Variants in CFAP36 observed in about 807,000 individuals in gnomAD.
The protein encoded by CFAP36 is cilia and flagella associated protein 36.
In CFAP36, 37 loss-of-function variants were observed where a neutral mutation model predicts 50.5. The observed-to-expected ratio is 0.73, with a 90% confidence interval of 0.56 to 0.96. CFAP36 has a LOEUF of 0.96. Among genes scored for constraint, CFAP36 ranks in the 50% least tolerant of loss-of-function variants. CFAP36 has a pLI of 0.00. For missense variants in CFAP36, 407 were observed against 396.2 expected (o/e 1.03, Z -0.23); for synonymous variants, 138 against 128.2 (o/e 1.08, Z -0.52).
Position 55,544,370 on chromosome 2 carries a change from G to A in CFAP36, c.927+1G>A. The A allele has an allele frequency of 6.2e-7, 1 of 1,607,892 alleles. No homozygotes were observed. The highest frequency in any genetic ancestry group is 8.5e-7 in the Non-Finnish European group (1 of 1,178,184). On this transcript the variant is annotated splice_donor_variant, in intron 9 of 9. Coordinates refer to ENST00000349456, the MANE Select transcript of CFAP36 (RefSeq NM_080667.7). LOFTEE classifies it high-confidence loss of function. ...AGGAAAACCCACTGGGGAGGTAGAG[G>A]TATGGCTAGCCTTAATATGTCAAGA...
chr2:55,532,052 A>T (rs1684364736), intron 4 of CFAP36, among the ~76,000 whole-genome samples: 1 of 152,052 alleles, frequency 6.6e-6, no homozygotes, highest in Non-Finnish European at 1.5e-5. Flanking sequence ...GCTGGCTGGG[A>T]ACAGTGGCTC....
chr2:55,527,853 G>C (rs1336997794), intron 3 of CFAP36, among the ~76,000 whole-genome samples: 1 of 151,608 alleles, frequency 6.6e-6, no homozygotes, highest in Admixed American at 6.6e-5. Context: ...CAAAATACTT[G>C]GAGATTAAAC....
rs750973554 is a variant in CFAP36, at chr2:55,519,792, T to G, written c.-10T>G. 1.9e-6 allele frequency: 3 copies of G among 1,613,712 alleles called. No individual in the cohort carries two copies. The highest frequency in any genetic ancestry group is 1.7e-6 in the Non-Finnish European group (2 of 1,179,710). On this transcript the variant is annotated 5_prime_UTR_variant, in exon 1 of 10. Coordinates refer to ENST00000349456, the MANE Select transcript of CFAP36 (RefSeq NM_080667.7). ...CCTAGGGATCTTCCCCGTTGCCCCTTTGGGGCGGGATGGCTGCGGAAGAAG... is the reference window on the plus strand; with the variant it reads ...CCTAGGGATCTTCCCCGTTGCCCCTGTGGGGCGGGATGGCTGCGGAAGAAG...
chr2:55,521,786 C>T (rs934801685), intron 1 of CFAP36, among the ~76,000 whole-genome samples: 8 of 151,828 alleles, frequency 5.3e-5, no homozygotes, highest in Non-Finnish European at 7.4e-5. Flanking sequence ...CGCACAACCA[C>T]GCCTGGCTGA....
intron 2 of CFAP36, among the ~76,000 whole-genome samples, chr2:55,522,429 G>A (rs1684095164): frequency 6.6e-6 from 1 of 151,986 alleles, no homozygotes; most frequent in Admixed American, 6.6e-5. Flanking sequence ...TTCTTATTTT[G>A]TTGACGCATC....
At chr2:55,539,265 G>A (rs1684572432) in intron 7 of CFAP36, 1 of 152,512 alleles carries the variant, frequency 6.6e-6, no homozygotes. Flanking sequence ...TTTGTGCTCT[G>A]CCTATTCATC....
chr2:55,532,960 T>A (rs914258558), intron 4 of CFAP36, among the ~76,000 whole-genome samples: 2 of 152,250 alleles, frequency 1.3e-5, no homozygotes, highest in African/African-American at 4.8e-5. Flanking sequence ...AGTTGCTACT[T>A]CCCTGGTTTA....
chr2:55,543,488 AC>A (rs1039814109), intron 7 of CFAP36, among the ~76,000 whole-genome samples: 1 of 152,344 alleles, frequency 6.6e-6, no homozygotes, highest in South Asian at 2.1e-4. Flanking sequence ...CTCTTGCAAT[AC>A]AAAAAATTAT....
intron 7 of CFAP36, among the ~76,000 whole-genome samples, chr2:55,538,395 A>G (rs1262016542): frequency 6.6e-6 from 1 of 150,922 alleles, no homozygotes; most frequent in African/African-American, 2.4e-5. Flanking sequence ...CCTGGGTTCA[A>G]GTGATTCTCC....
intron 3 of CFAP36, among the ~76,000 whole-genome samples, chr2:55,526,176 A>T (rs1261751516): frequency 6.6e-6 from 1 of 152,262 alleles, no homozygotes; most frequent in Non-Finnish European, 1.5e-5. Flanking sequence ...GCCTTGAATT[A>T]TAGTTTCCTA....
intron 2 of CFAP36, 105 bp from the exon 3 acceptor site, chr2:55,523,615 AT>A: frequency 1.6e-6 from 1 of 631,380 alleles, no homozygotes; most frequent in East Asian, 2.8e-5. Context: ...GTAGATTAAT[AT>A]TTGCAAAAAA....
intron 6 of CFAP36, 64 bp downstream of exon 6, chr2:55,535,827 G>T: frequency 6.7e-7 from 1 of 1,497,572 alleles, no homozygotes; most frequent in Non-Finnish European, 8.9e-7. Context: ...TTTACACCTA[G>T]ATCTTACTAT....
intron 7 of CFAP36, among the ~76,000 whole-genome samples, chr2:55,543,064 A>T (rs1055300246): frequency 1.5e-4 from 22 of 147,040 alleles, no homozygotes; most frequent in Non-Finnish European, 2.7e-4. Context: ...CTGGCAAGGT[A>T]TTTTTTTTTT....
rs542538922 is a variant in CFAP36 at position 55,544,133 on chromosome 2, A to T, written c.777+59A>T. The stretch of plus-strand genomic sequence containing the variant: ...AAAATGACAAGGTACTGGGAAATCA[A>T]ACTTCGAATTGAATCACTCAGTGGG... On this transcript the variant is annotated intron_variant, in intron 8 of 9. Coordinates refer to ENST00000349456, the MANE Select transcript of CFAP36 (RefSeq NM_080667.7). 79 of 1,609,088 alleles carry T rather than the reference A, an allele frequency of 4.9e-5. No homozygotes were observed. In the South Asian group the frequency reaches 8.8e-4, roughly 18 times the overall value.
At chr2:55,536,927 T>TAG (rs142801165) in intron 6 of CFAP36, among the ~76,000 whole-genome samples, 141,588 of 151,806 alleles carry the variant, frequency 0.93, 66,594 homozygotes, top group African/African-American at 0.98. Context: ...GTACTTTTAG[T>TAG]AGACAGGGTT....
rs1480207117 is a variant in CFAP36 at position 55,544,942 on chromosome 2, G to A, written c.963G>A (p.Glu321=). 2 of 1,606,630 alleles carry A rather than the reference G, an allele frequency of 1.2e-6. No homozygotes were observed. Among genetic ancestry groups the A allele is most frequent in the Non-Finnish European group, 1.7e-6 (2 of 1,177,884 alleles). Residue 321 remains glutamate (E), a synonymous_variant, in exon 10 of 10, where the codon GAG becomes GAA. Coordinates refer to ENST00000349456, the MANE Select transcript of CFAP36 (RefSeq NM_080667.7). ...AGAAACCAGAAATGACAGCAGAGGAGAAGCAAACATTACTAAAGAGGAGAT... is the reference window on the plus strand; with the variant it reads ...AGAAACCAGAAATGACAGCAGAGGAAAAGCAAACATTACTAAAGAGGAGAT... ...MTEKPEMTAE[E]KQTLLKRRLL...
At chr2:55,536,290 G>A (rs1010934448) in intron 6 of CFAP36, among the ~76,000 whole-genome samples, 6 of 151,342 alleles carry the variant, frequency 4.0e-5, no homozygotes, top group Non-Finnish European at 5.9e-5. Flanking sequence ...GCGCCATCAC[G>A]CCTGGCTAAT....
At chr2:55,543,253 C>G (rs1684686777) in intron 7 of CFAP36, among the ~76,000 whole-genome samples, 1 of 152,036 alleles carries the variant, frequency 6.6e-6, no homozygotes. Context: ...TAAAAACAAT[C>G]ACCTTATAAT....
chr2:55,532,445 G>A (rs1386265288), intron 4 of CFAP36, among the ~76,000 whole-genome samples: 1 of 152,104 alleles, frequency 6.6e-6, no homozygotes, highest in Non-Finnish European at 1.5e-5. Context: ...ACTTCATACT[G>A]TTGTGTTATT....
Sources: gnomAD v4.1 joint callset for allele counts (sites outside exome capture counted in the v4.1 genomes callset) on GRCh38, gnomAD v4.1.1 for gene constraint, MANE v1.5 for transcripts, NCBI Gene and HGNC (gene_info 2026-07-23, HGNC 2026-07-21) for gene names.